Variants in ZNF146 observed in about 807,000 individuals in gnomAD.
ZNF146 encodes zinc finger protein 146.
ZNF146 carries 9 observed loss-of-function variants against 22.2 expected under a neutral mutation model. That is an observed-to-expected ratio of 0.41 (90% CI 0.24 to 0.71). The LOEUF is 0.71. Among genes scored for constraint, ZNF146 ranks in the 30% least tolerant of loss-of-function variants. ZNF146 has a pLI of 0.34. For synonymous variants in ZNF146, 108 were observed against 119.2 expected (o/e 0.91, Z 0.61); for missense variants, 194 against 344.8 (o/e 0.56, Z 3.46).
chr19:36,237,884 T>C lies in ZNF146; in HGVS notation c.*565T>C, dbSNP rs1977703524. On this transcript the variant is annotated 3_prime_UTR_variant, in exon 4 of 4. Transcript: ENST00000443387. ...AGGGGGAAAAATAGACCATGAACTATACACAAAAGTGAATCCAGAGATTAA... is the reference window on the plus strand; with the variant it reads ...AGGGGGAAAAATAGACCATGAACTACACACAAAAGTGAATCCAGAGATTAA... 6.0e-6 allele frequency: 1 copy of C among 166,978 alleles called. No homozygotes were observed. Among genetic ancestry groups the C allele is most frequent in the Non-Finnish European group, 1.5e-5 (1 of 68,122 alleles). 10.3% of individuals were successfully genotyped at this position (166,978 alleles called of 1,614,324 possible).
At chr19:36,223,482 C>T (rs1286564199) in intron 2 of ZNF146, among the ~76,000 whole-genome samples, 1 of 151,884 alleles carries the variant, frequency 6.6e-6, no homozygotes, top group African/African-American at 2.4e-5. Context: ...CCTGCCTCAG[C>T]CTCCCAAGTA....
intron 2 of ZNF146, among the ~76,000 whole-genome samples, chr19:36,219,427 C>A (rs144054427): frequency 6.6e-6 from 1 of 152,212 alleles, no homozygotes; most frequent in African/African-American, 2.4e-5. Flanking sequence ...AGAAAGTCAT[C>A]ATTATCCGCT....
At position 36,218,107 on chromosome 19, in the gene ZNF146, T is replaced by G. The variant is rs1976688914; in HGVS notation, c.-928-15T>G. 2 of 117,188 alleles carry G rather than the reference T, an allele frequency of 1.7e-5. No individual in the cohort carries two copies. The highest frequency in any genetic ancestry group is 6.2e-4 in the South Asian group (2 of 3,210). The allele number at this position is 117,188 out of a possible 1,614,324, so 7.3% of individuals were successfully genotyped here. Reference sequence around the variant, plus strand: ...GGCATGAGCTAATTTTTTTTTTTTTTTTTTTAAATTAAAGGAAGACATAGG... The same window carrying G: ...GGCATGAGCTAATTTTTTTTTTTTTGTTTTTAAATTAAAGGAAGACATAGG... On this transcript the variant is annotated splice_polypyrimidine_tract_variant and intron_variant, in intron 1 of 3. Transcript: ENST00000443387.
At chr19:36,232,233 A>G (rs1977413994) in intron 3 of ZNF146, among the ~76,000 whole-genome samples, 1 of 152,016 alleles carries the variant, frequency 6.6e-6, no homozygotes, top group South Asian at 2.1e-4. Flanking sequence ...ATGTGACTAC[A>G]AATATGAACA....
At chr19:36,219,608 G>A (rs964759482) in intron 2 of ZNF146, among the ~76,000 whole-genome samples, 1 of 152,090 alleles carries the variant, frequency 6.6e-6, no homozygotes. Flanking sequence ...TATACCAGAT[G>A]GCTGGTGATT....
intron 1 of ZNF146, among the ~76,000 whole-genome samples, chr19:36,216,593 G>A (rs1300229700): frequency 2.5e-5 from 3 of 118,682 alleles, no homozygotes; most frequent in African/African-American, 8.9e-5. Context: ...GGGAGGCGGA[G>A]GTTGCAGTGA....
At chr19:36,226,479 A>G (rs928919864) in intron 2 of ZNF146, among the ~76,000 whole-genome samples, 1 of 152,220 alleles carries the variant, frequency 6.6e-6, no homozygotes, top group South Asian at 2.1e-4. Flanking sequence ...TTGGAATAGT[A>G]CAGAGAAGTC....
rs148911872 is a variant in ZNF146, at chr19:36,233,955, C to A, written c.-782-1704C>A. 4.9e-3 allele frequency among the ~76,000 whole-genome samples: 731 copies of A among 149,420 alleles called. 11 individuals are homozygous for A. Among genetic ancestry groups the A allele is most frequent in the African/African-American group, 0.018 (690 of 38,872 alleles). On this transcript the variant is annotated intron_variant, in intron 3 of 3. Coordinates refer to ENST00000443387, the MANE Select transcript of ZNF146 (RefSeq NM_007145.3). ...GGACGGTCAGGTCTTTCCCTTCCCG[C>A]GGGGCCATATTTCAGACTATCACAT...
intron 2 of ZNF146, among the ~76,000 whole-genome samples, chr19:36,226,936 A>G (rs1373392300): frequency 6.6e-6 from 1 of 152,038 alleles, no homozygotes; most frequent in Non-Finnish European, 1.5e-5. Context: ...ATAAAAAATT[A>G]GTGGGGCATG....
chr19:36,217,943 G>A (rs953266535), intron 1 of ZNF146, among the ~76,000 whole-genome samples, 179 bp from the exon 2 acceptor site: 3 of 152,014 alleles, frequency 2.0e-5, no homozygotes, highest in African/African-American at 7.2e-5. Flanking sequence ...GGCTGTTGGG[G>A]TGGGGGTACT....
At chr19:36,234,262 T>C (rs1328115157) in intron 3 of ZNF146, among the ~76,000 whole-genome samples, 3 of 152,278 alleles carry the variant, frequency 2.0e-5, no homozygotes, top group African/African-American at 7.2e-5. Context: ...CAGAACAAAA[T>C]GGAGTCTCTT....
chr19:36,232,945 A>G (rs1421069182), intron 3 of ZNF146, among the ~76,000 whole-genome samples: 2 of 152,236 alleles, frequency 1.3e-5, no homozygotes, highest in African/African-American at 4.8e-5. Flanking sequence ...GAATAGTTAA[A>G]GAATCTCTTA....
Position 36,236,222 on chromosome 19 carries a change from T to C in ZNF146, c.-219T>C. ...GTGAAGGTAGCAATACTTCATTGAA[T>C]ATTAGAAAATTTTTCTAGAGAGAAA... is the stretch of plus-strand genomic sequence containing the variant. On this transcript the variant is annotated 5_prime_UTR_variant, in exon 4 of 4. Coordinates refer to ENST00000443387, the MANE Select transcript of ZNF146 (RefSeq NM_007145.3). 2 of 507,502 alleles carry C rather than the reference T, an allele frequency of 3.9e-6. No homozygotes were observed. Among genetic ancestry groups the C allele is most frequent in the Non-Finnish European group, 6.6e-6 (2 of 300,874 alleles). 31.4% of individuals were successfully genotyped at this position (507,502 alleles called of 1,614,324 possible).
chr19:36,231,024 T>G (rs2145442120), intron 3 of ZNF146, among the ~76,000 whole-genome samples: 1 of 152,094 alleles, frequency 6.6e-6, no homozygotes, highest in South Asian at 2.1e-4. Flanking sequence ...CTTATATGTA[T>G]ATATATTTGC....
At chr19:36,229,138 T>C (rs1977209427) in intron 3 of ZNF146, among the ~76,000 whole-genome samples, 2 of 152,250 alleles carry the variant, frequency 1.3e-5, no homozygotes, top group South Asian at 4.1e-4. Flanking sequence ...TCCTTTATAC[T>C]TTGTAAAACC....
At chr19:36,230,828 G>C (rs981132256) in intron 3 of ZNF146, among the ~76,000 whole-genome samples, 1 of 152,040 alleles carries the variant, frequency 6.6e-6, no homozygotes, top group Non-Finnish European at 1.5e-5. Context: ...TTGAGACTGA[G>C]TCTTGCTCTG....
At chr19:36,221,390 G>A (rs567745211) in intron 2 of ZNF146, among the ~76,000 whole-genome samples, 15 of 144,528 alleles carry the variant, frequency 1.0e-4, no homozygotes, top group African/African-American at 3.9e-4. Context: ...CCGGGTTCAC[G>A]CCATTCTTCT....
intron 2 of ZNF146, among the ~76,000 whole-genome samples, chr19:36,226,713 T>C (rs1485334179): frequency 2.0e-5 from 3 of 152,332 alleles, no homozygotes; most frequent in Non-Finnish European, 4.4e-5. Context: ...AGTTTAACAT[T>C]GATACATTAG....
chr19:36,234,130 A>T (rs1002433162), intron 3 of ZNF146, among the ~76,000 whole-genome samples: 6 of 152,226 alleles, frequency 3.9e-5, no homozygotes, highest in Admixed American at 6.5e-5. Context: ...AACAAAGCAC[A>T]TCCTGCACAG....
Sources: gnomAD v4.1 joint callset for allele counts (sites outside exome capture counted in the v4.1 genomes callset) on GRCh38, gnomAD v4.1.1 for gene constraint, MANE v1.5 for transcripts, NCBI Gene and HGNC (gene_info 2026-07-23, HGNC 2026-07-21) for gene names.